The following ACSL3 variants were observed in gnomAD, a reference collection of about 807,000 sequenced individuals.
ACSL3 encodes acyl-CoA synthetase long chain family member 3, also known as fatty acid CoA ligase Acsl3.
In ACSL3, 34 loss-of-function variants were observed where a neutral mutation model predicts 84.7. The ratio of observed to expected loss-of-function variants is 0.40; its 90% CI spans 0.31 to 0.53. The LOEUF is 0.53. Ranked by LOEUF, ACSL3 falls within the 20% of genes least tolerant of loss-of-function variation. The pLI is 0.48. For missense variants in ACSL3, 680 were observed against 873.1 expected (o/e 0.78, Z 2.79); for synonymous variants, 315 against 299.4 (o/e 1.05, Z -0.54).
intron 1 of ACSL3, among the ~76,000 whole-genome samples, chr2:222,869,221 T>C (rs1394395622): frequency 6.6e-6 from 1 of 152,216 alleles, no homozygotes; most frequent in Non-Finnish European, 1.5e-5. Flanking sequence ...ATGTAAAGCT[T>C]CATAGGTAAA....
rs573967864 is a variant in ACSL3, at chr2:222,929,084, A to C, written c.1540+148A>C. The C allele has an allele frequency of 3.4e-6, 2 of 590,236 alleles. 1 individual carries two copies. Among genetic ancestry groups the C allele is most frequent in the African/African-American group, 3.8e-5 (2 of 53,182 alleles). 36.6% of individuals were successfully genotyped at this position (590,236 alleles called of 1,614,324 possible). Reference sequence around the variant, plus strand: ...GACGTGTTTTATCTCGAACTATATGAATGCATTTATTTTTCTTGTTTCAAA... The same window carrying C: ...GACGTGTTTTATCTCGAACTATATGCATGCATTTATTTTTCTTGTTTCAAA... On this transcript the variant is annotated intron_variant, in intron 13 of 16. Transcript: ENST00000357430.
chr2:222,862,774 C>T (rs1050433396), intron 1 of ACSL3, among the ~76,000 whole-genome samples: 3 of 152,250 alleles, frequency 2.0e-5, no homozygotes, highest in African/African-American at 7.2e-5. Flanking sequence ...ACCTAAGGGT[C>T]AAGGTGACAA....
chr2:222,926,811 TA>T (rs777944266), intron 11 of ACSL3, among the ~76,000 whole-genome samples: 5 of 152,178 alleles, frequency 3.3e-5, no homozygotes, highest in Non-Finnish European at 7.3e-5. Flanking sequence ...GAAAAGCTCT[TA>T]AGAGGAAATA....
rs1296624814 is a variant in ACSL3, at chr2:222,908,985, T to G, written c.213T>G (p.Val71=). The G allele has an allele frequency of 1.9e-6, 3 of 1,613,646 alleles. No individual in the cohort carries two copies. The highest frequency in any genetic ancestry group is 2.5e-6 in the Non-Finnish European group (3 of 1,179,862). Residue 71 remains valine, a synonymous_variant, in exon 4 of 17, where the codon GTT becomes GTG. Transcript: ENST00000357430. ...AACCTGATTCTGCATACAGATCTGTTAATAGTTTGGATGGTTTGGCTTCAG... is the reference window on the plus strand; with the variant it reads ...AACCTGATTCTGCATACAGATCTGTGAATAGTTTGGATGGTTTGGCTTCAG... ...NSKPDSAYRS[V]NSLDGLASVL... is the part of the protein sequence containing the mutation.
chr2:222,888,553 C>G (rs1019108248), intron 2 of ACSL3, among the ~76,000 whole-genome samples: 1 of 152,140 alleles, frequency 6.6e-6, no homozygotes, highest in African/African-American at 2.4e-5. Context: ...TGACATCCTT[C>G]TTTTCAGAAT....
chr2:222,862,740 G>T (rs751267886), intron 1 of ACSL3, among the ~76,000 whole-genome samples: 3 of 152,174 alleles, frequency 2.0e-5, no homozygotes, highest in Non-Finnish European at 4.4e-5. Flanking sequence ...ATGACATTGG[G>T]TGTGGGGCAG....
At chr2:222,927,325 T>G in intron 12 of ACSL3, 136 bp downstream of exon 12, 1 of 829,210 alleles carries the variant, frequency 1.2e-6, no homozygotes, top group Non-Finnish European at 1.8e-6. Context: ...CCAAGTACTA[T>G]GATCATTGAT....
chr2:222,882,844 T>A (rs901728714), intron 1 of ACSL3, among the ~76,000 whole-genome samples: 17 of 150,308 alleles, frequency 1.1e-4, no homozygotes, highest in Non-Finnish European at 2.4e-4. Flanking sequence ...CTTGGCTTAC[T>A]GCAAGCTCTG....
chr2:222,867,148 G>A (rs1695171576), intron 1 of ACSL3, among the ~76,000 whole-genome samples: 1 of 151,900 alleles, frequency 6.6e-6, no homozygotes, highest in Non-Finnish European at 1.5e-5. Context: ...TTTTCTTTTT[G>A]GACTTGAACA....
chr2:222,908,925 A>G lies in ACSL3; in HGVS notation c.153A>G (p.Lys51=). 6.2e-7 allele frequency: 1 copy of G among 1,613,076 alleles called. No homozygotes were observed. ...FYFFSESRQE[K]SNRIKAKPVN... is the part of the protein sequence containing the mutation. ...TTTTCTCCGAGTCAAGACAAGAAAA[A>G]TCAAACCGAATTAAAGCAAAGCCTG... is the stretch of plus-strand genomic sequence containing the variant. Residue 51 remains lysine (K), a synonymous_variant, in exon 4 of 17, where the codon AAA becomes AAG. Transcript: ENST00000357430.
Position 222,941,635 on chromosome 2 carries a change from G to A in ACSL3, c.2144G>A (p.Arg715Gln), listed in dbSNP as rs1329455794. 4 of 1,612,476 alleles carry A rather than the reference G, an allele frequency of 2.5e-6. No homozygotes were observed. Among genetic ancestry groups the A allele is most frequent in the Admixed American group, 1.7e-5 (1 of 59,818 alleles). ...ACACATTACCAGGCGGACATTGAGC[G>A]AATGTATGGAAGAAAATAATTATTC... ...LKTHYQADIE[R>Q]MYGRK Residue 715 changes from arginine (R) to glutamine (Q), a missense_variant, in exon 17 of 17, where the codon CGA (arginine) becomes CAA (glutamine). This residue lies in a region of ACSL3 where 347 missense variants were observed against 525.7 expected (regional missense o/e 0.66). Transcript: ENST00000357430.
chr2:222,913,853 A>G (rs1416740325), intron 4 of ACSL3, among the ~76,000 whole-genome samples: 3 of 152,194 alleles, frequency 2.0e-5, no homozygotes, highest in Non-Finnish European at 4.4e-5. Context: ...AAATAGGGAT[A>G]ATAATAGTAA....
chr2:222,936,299 A>G (rs890493709), intron 16 of ACSL3, among the ~76,000 whole-genome samples: 2 of 152,142 alleles, frequency 1.3e-5, no homozygotes, highest in Non-Finnish European at 2.9e-5. Context: ...TCCTATGGCA[A>G]TTATTAATAC....
intron 14 of ACSL3, 49 bp downstream of exon 14, chr2:222,930,861 A>G (rs746016000): frequency 1.3e-6 from 2 of 1,501,148 alleles, no homozygotes; most frequent in South Asian, 1.3e-5. Flanking sequence ...GAAATAGTTT[A>G]CACAAGAAGC....
rs141988130 is a variant in ACSL3, at chr2:222,926,789, C to T, written c.1293-228C>T. On this transcript the variant is annotated intron_variant, in intron 11 of 16. Coordinates refer to ENST00000357430, the MANE Select transcript of ACSL3 (RefSeq NM_004457.5). ...AAAACTAAACCTGACAATTCAAATT[C>T]GAATATCACTTGAAAAGCTCTTAAG... 6.6e-3 allele frequency among the ~76,000 whole-genome samples: 1,004 copies of T among 152,118 alleles called. 11 individuals carry two copies. The highest frequency in any genetic ancestry group is 0.023 in the African/African-American group (948 of 41,504).
chr2:222,914,089 C>A (rs2106121966), intron 4 of ACSL3, among the ~76,000 whole-genome samples: 1 of 152,208 alleles, frequency 6.6e-6, no homozygotes, highest in South Asian at 2.1e-4. Flanking sequence ...GTGTACTTTA[C>A]TGAAGAAGAC....
Position 222,930,604 on chromosome 2 carries a change from AATT to A in ACSL3, c.1541-10_1541-8del, listed in dbSNP as rs780239755. 6.4e-7 allele frequency: 1 copy of A among 1,561,432 alleles called. No individual in the cohort carries two copies. The highest frequency in any genetic ancestry group is 8.7e-7 in the Non-Finnish European group (1 of 1,153,040). On this transcript the variant is annotated splice_polypyrimidine_tract_variant and intron_variant, in intron 13 of 16. Transcript: ENST00000357430. ...TTGTATTTAACTCAACTATTAACTCAATTATTATTTTATTAGGTGGATACTTTA... is the reference window on the plus strand; with the variant it reads ...TTGTATTTAACTCAACTATTAACTCAATTATTTTATTAGGTGGATACTTTA...
At chr2:222,871,417 G>C (rs1386966587) in intron 1 of ACSL3, among the ~76,000 whole-genome samples, 2 of 152,136 alleles carry the variant, frequency 1.3e-5, no homozygotes, top group Non-Finnish European at 2.9e-5. Context: ...ACAAAGTTCT[G>C]GGCTTAGATG....
intron 2 of ACSL3, among the ~76,000 whole-genome samples, chr2:222,892,660 T>C (rs1348533365): frequency 1.3e-5 from 2 of 152,072 alleles, no homozygotes; most frequent in Non-Finnish European, 2.9e-5. Flanking sequence ...TATTAAAGGA[T>C]ACTTTTTTCT....
Sources: gnomAD v4.1 joint callset for allele counts (sites outside exome capture counted in the v4.1 genomes callset) on GRCh38, gnomAD v4.1.1 for gene constraint, gnomAD v4.1.1 regional missense constraint, MANE v1.5 for transcripts, NCBI Gene and HGNC (gene_info 2026-07-23, HGNC 2026-07-21) for gene names.